The following RFC3 variants were observed in gnomAD, a reference collection of about 807,000 sequenced individuals.
RFC3 encodes A1 38 kDa subunit.
A neutral mutation model predicts 45.1 loss-of-function variants in RFC3; 41 were observed. The ratio of observed to expected loss-of-function variants is 0.91; its 90% CI spans 0.71 to 1.18. RFC3 has a LOEUF of 1.18. Among genes scored for constraint, RFC3 ranks in the 50% most tolerant of loss-of-function variants. The pLI is 0.00. For missense variants in RFC3, 423 were observed against 428.1 expected, an observed-to-expected ratio of 0.99 and a Z score of 0.10; for synonymous variants, 149 against 144.0, an observed-to-expected ratio of 1.03 and a Z score of -0.25.
At chr13:33,916,773 TACAC>T (rs1162751156) in intron 8 of RFC3, among the ~76,000 whole-genome samples, 1 of 148,620 alleles carries the variant, frequency 6.7e-6, no homozygotes, top group Non-Finnish European at 1.5e-5. Flanking sequence ...TGCATGTACA[TACAC>T]ATATATACAT....
chr13:33,859,769 T>G (rs970085910), intron 8 of RFC3, among the ~76,000 whole-genome samples: 1 of 152,212 alleles, frequency 6.6e-6, no homozygotes, highest in Non-Finnish European at 1.5e-5. Context: ...CACTTCTGTC[T>G]GGGCATGCCA....
Position 33,897,187 on chromosome 13 carries a change from T to C in RFC3, c.879+61970T>C, listed in dbSNP as rs573283719. 2.6e-5 allele frequency among the ~76,000 whole-genome samples: 4 copies of C among 152,122 alleles called. No homozygotes were observed. The East Asian group carries it at 7.7e-4, about 29-fold the overall frequency. ...CCAAAGACAAATATATCAAAAACAA[T>C]AATAGCTATAACAACCAGTTAAGAG... is the stretch of plus-strand genomic sequence containing the variant. On this transcript the variant is annotated intron_variant, in intron 8 of 8. Coordinates refer to the RFC3 transcript ENST00000434425.
At chr13:33,855,002 T>C (rs2082299893) in intron 8 of RFC3, among the ~76,000 whole-genome samples, 1 of 152,130 alleles carries the variant, frequency 6.6e-6, no homozygotes, top group Admixed American at 6.6e-5. Context: ...ATAAGCTCTA[T>C]GAACATGGTT....
chr13:33,860,365 G>A (rs1040568608), intron 8 of RFC3, among the ~76,000 whole-genome samples: 4 of 152,104 alleles, frequency 2.6e-5, no homozygotes, highest in African/African-American at 9.7e-5. Flanking sequence ...TGCTTGGAGG[G>A]CTAGAATTTG....
chr13:33,898,012 A>G (rs573273233), intron 8 of RFC3, among the ~76,000 whole-genome samples: 164 of 152,084 alleles, frequency 1.1e-3, no homozygotes, highest in African/African-American at 3.8e-3. Context: ...TTAAAAAAAC[A>G]CTAACAGATC....
intron 8 of RFC3, among the ~76,000 whole-genome samples, chr13:33,843,880 T>C (rs760393924): frequency 1.3e-5 from 2 of 152,224 alleles, no homozygotes; most frequent in African/African-American, 4.8e-5. Flanking sequence ...ACCAAATCCA[T>C]ATGCAGCCTA....
chr13:33,848,108 A>T (rs754200323), intron 8 of RFC3: 7 of 152,240 alleles, frequency 4.6e-5, no homozygotes, highest in Non-Finnish European at 1.0e-4. Flanking sequence ...ACACTTATGC[A>T]TCTAAACACC....
chr13:33,965,745 A>T (rs1375876077), intron 8 of RFC3, among the ~76,000 whole-genome samples: 1 of 152,192 alleles, frequency 6.6e-6, no homozygotes, highest in East Asian at 1.9e-4. Context: ...CAGCATTTAA[A>T]CAGTGGTTCT....
intron 8 of RFC3, among the ~76,000 whole-genome samples, chr13:33,873,452 T>C (rs569610546): frequency 6.6e-6 from 1 of 152,194 alleles, no homozygotes; most frequent in Non-Finnish European, 1.5e-5. Context: ...TGTGGCTTAT[T>C]ATTATACCAG....
At chr13:33,875,752 G>T (rs2082441983) in intron 8 of RFC3, among the ~76,000 whole-genome samples, 1 of 152,058 alleles carries the variant, frequency 6.6e-6, no homozygotes, top group African/African-American at 2.4e-5. Context: ...GCCTCTCCTG[G>T]GGGTGCCGTT....
intron 3 of RFC3, among the ~76,000 whole-genome samples, chr13:33,825,000 G>C (rs2082036117): frequency 1.3e-5 from 2 of 152,138 alleles, no homozygotes; most frequent in African/African-American, 4.8e-5. Flanking sequence ...AGTGACTTGG[G>C]AAAACTTAGT....
chr13:33,917,144 C>T (rs185439013), intron 8 of RFC3, among the ~76,000 whole-genome samples: 72 of 152,238 alleles, frequency 4.7e-4, no homozygotes, highest in African/African-American at 1.6e-3. Context: ...CACATTTCCC[C>T]AGTAAAGGCC....
intron 8 of RFC3, 151 bp from the exon 9 acceptor site, chr13:33,835,953 G>A: frequency 4.9e-6 from 4 of 822,464 alleles, no homozygotes; most frequent in Non-Finnish European, 7.2e-6. Context: ...TTTTGCTTTT[G>A]GATGAAGGTC....
intron 8 of RFC3, among the ~76,000 whole-genome samples, chr13:33,927,920 A>T (rs541606202): frequency 3.0e-4 from 46 of 152,188 alleles, no homozygotes; most frequent in African/African-American, 1.0e-3. Context: ...AGCTCTAGGG[A>T]CTTAATTCAG....
rs371275283 is a variant in RFC3, at chr13:33,885,832, C to A, written c.879+50615C>A. On this transcript the variant is annotated intron_variant, in intron 8 of 8. Transcript: ENST00000434425. ...GTCTGGAGTCACTGTGAGTTGCCTA[C>A]CCCAGAGCTCCACCAGCCATCTTTT... Among the ~76,000 whole-genome samples the A allele has an allele frequency of 4.3e-4, 66 of 152,242 alleles. No homozygotes were observed. The East Asian group carries it at 0.013, about 29-fold the overall frequency.
intron 7 of RFC3, among the ~76,000 whole-genome samples, chr13:33,833,995 A>T (rs1372539358): frequency 6.6e-6 from 1 of 151,998 alleles, no homozygotes; most frequent in African/African-American, 2.4e-5. Flanking sequence ...AGAAAGATAG[A>T]TCTGTGTTAA....
At chr13:33,820,138 A>G (rs2081988574) in intron 1 of RFC3, among the ~76,000 whole-genome samples, 1 of 152,202 alleles carries the variant, frequency 6.6e-6, no homozygotes, top group South Asian at 2.1e-4. Context: ...ACTCATCTTT[A>G]TAGCCTTCAT....
chr13:33,907,446 A>G (rs2082678580), intron 8 of RFC3, among the ~76,000 whole-genome samples: 1 of 152,094 alleles, frequency 6.6e-6, no homozygotes, highest in South Asian at 2.1e-4. Context: ...ATAAATGAAA[A>G]GTTAATTGTG....
chr13:33,922,684 A>C (rs997967773), intron 8 of RFC3, among the ~76,000 whole-genome samples: 2 of 152,148 alleles, frequency 1.3e-5, no homozygotes, highest in African/African-American at 4.8e-5. Context: ...AGCTAGTCAA[A>C]TAATCTTGAA....
Sources: gnomAD v4.1 joint callset for allele counts (sites outside exome capture counted in the v4.1 genomes callset) on GRCh38, gnomAD v4.1.1 for gene constraint, MANE v1.5 for transcripts, NCBI Gene and HGNC (gene_info 2026-07-23, HGNC 2026-07-21) for gene names.